The following PARVB variants were observed in gnomAD, a reference collection of about 807,000 sequenced individuals.
The protein encoded by PARVB is parvin beta.
PARVB carries 46 observed loss-of-function variants against 47.0 expected under a neutral mutation model. The ratio of observed to expected loss-of-function variants is 0.98; its 90% confidence interval spans 0.77 to 1.25. The LOEUF is 1.25. Among genes scored for constraint, PARVB ranks in the 50% most tolerant of loss-of-function variants. The pLI is 0.00. For synonymous variants in PARVB, 196 were observed against 196.3 expected (o/e 1.00, Z 0.01); for missense variants, 473 against 471.6 (o/e 1.00, Z -0.03).
chr22:44,163,898 G>A lies in PARVB; in HGVS notation c.986G>A (p.Gly329Glu), dbSNP rs1293188108. ...TTCGCCTTTGAGCTGATGCTGGACG[G>A]AGGCCTCAAGAAACCCAAGGCTCGT... ...VSFAFELMLD[G>E]GLKKPKARPE... The change falls in exon 12 of 13, where the codon GGA (glycine) becomes GAA (glutamate). Residue 329 changes from glycine to glutamate, a missense_variant. Physicochemically the swap from Gly to Glu is moderately conservative, Grantham distance 98. Transcript: ENST00000338758. 6.2e-7 allele frequency: 1 copy of A among 1,611,368 alleles called. No homozygotes were observed. Among genetic ancestry groups the A allele is most frequent in the African/African-American group, 1.3e-5 (1 of 75,024 alleles).
intron 2 of PARVB, among the ~76,000 whole-genome samples, chr22:44,001,582 T>C (rs941838684): frequency 6.6e-6 from 1 of 152,206 alleles, no homozygotes; most frequent in East Asian, 1.9e-4. Flanking sequence ...TTTCACGCTG[T>C]TGTAAAAGTC....
chr22:44,072,125 A>T (rs190740181), intron 1 of PARVB, among the ~76,000 whole-genome samples: 1 of 152,196 alleles, frequency 6.6e-6, no homozygotes, highest in Non-Finnish European at 1.5e-5. Context: ...TGTAATGTGA[A>T]TGTCATGTGG....
chr22:44,139,232 T>A (rs548037886), intron 7 of PARVB: 1 of 152,604 alleles, frequency 6.6e-6, no homozygotes, highest in South Asian at 2.1e-4. Context: ...TGAGACAGGG[T>A]CTTGCTCTGT....
chr22:44,138,386 T>C (rs1001433512), intron 7 of PARVB, among the ~76,000 whole-genome samples: 2 of 151,680 alleles, frequency 1.3e-5, no homozygotes, highest in African/African-American at 4.8e-5. Context: ...AGGAAGGGAG[T>C]TGGGATTTTC....
intron 1 of PARVB, among the ~76,000 whole-genome samples, chr22:44,074,690 G>T (rs1038043261): frequency 1.3e-5 from 2 of 152,210 alleles, no homozygotes; most frequent in Non-Finnish European, 2.9e-5. Flanking sequence ...GGGAACATTA[G>T]ACAATGTTCA....
At chr22:44,132,638 A>G (rs1025141389) in intron 5 of PARVB, among the ~76,000 whole-genome samples, 10 of 152,058 alleles carry the variant, frequency 6.6e-5, no homozygotes, top group Non-Finnish European at 1.2e-4. Context: ...TCACTGCCCA[A>G]TTTATTGCTT....
chr22:44,122,606 GA>G (rs2053095286), intron 4 of PARVB, among the ~76,000 whole-genome samples: 1 of 127,564 alleles, frequency 7.8e-6, no homozygotes, highest in Admixed American at 7.9e-5. Context: ...GAGAGAGAGA[GA>G]GAGGTCTCAC....
At chr22:44,045,355 G>T (rs149357443) in intron 1 of PARVB, among the ~76,000 whole-genome samples, 2 of 152,324 alleles carry the variant, frequency 1.3e-5, no homozygotes, top group Admixed American at 6.5e-5. Flanking sequence ...TTAAAATGTT[G>T]CTAAGAGAGA....
In PARVB at chr22:44,147,855, C is replaced by A. The variant is rs1280122577; in HGVS notation, c.713-6C>A. ...CTCCTTCGTGTCTCTCTTTGCATGT[C>A]CTCAGAGCGGGATGCCTTCGACACG... On this transcript the variant is annotated splice_polypyrimidine_tract_variant and splice_region_variant and intron_variant, in intron 8 of 12. Coordinates refer to ENST00000338758, the MANE Select transcript of PARVB (RefSeq NM_013327.5). The A allele has an allele frequency of 1.2e-6, 2 of 1,613,690 alleles. No individual in the cohort carries two copies. Among genetic ancestry groups the A allele is most frequent in the East Asian group, 4.5e-5 (2 of 44,894 alleles).
At chr22:44,026,325 G>C in intron 1 of PARVB, 1 of 985,570 alleles carries the variant, frequency 1.0e-6, no homozygotes, top group African/African-American at 1.7e-5. Flanking sequence ...CGGGCGTGGA[G>C]GCAGGAGGAG....
chr22:44,095,337 C>T (rs999122498), intron 2 of PARVB, among the ~76,000 whole-genome samples: 2 of 151,862 alleles, frequency 1.3e-5, no homozygotes, highest in African/African-American at 2.4e-5. Context: ...GGCGAAACCG[C>T]GTCTCTCCTA....
chr22:44,094,134 G>A (rs2052240009), intron 2 of PARVB, 117 bp downstream of exon 2: 3 of 560,820 alleles, frequency 5.3e-6, no homozygotes, highest in Non-Finnish European at 9.4e-6. Context: ...AGATGCTGGG[G>A]GCATTTGGGA....
intron 2 of PARVB, among the ~76,000 whole-genome samples, chr22:44,095,851 A>G (rs2147052335): frequency 6.6e-6 from 1 of 152,322 alleles, no homozygotes; most frequent in African/African-American, 2.4e-5. Flanking sequence ...TTCAGCCGCC[A>G]ACCGACCCGA....
intron 1 of PARVB, among the ~76,000 whole-genome samples, chr22:44,025,354 C>G (rs147206775): frequency 1.3e-5 from 2 of 152,234 alleles, no homozygotes; most frequent in African/African-American, 4.8e-5. Flanking sequence ...CCCCGGGATG[C>G]AGGTCCCCCA....
rs374391686 is a variant in PARVB at position 44,057,123 on chromosome 22, C to A, written c.112+32672C>A. 5.3e-5 allele frequency among the ~76,000 whole-genome samples: 8 copies of A among 151,646 alleles called. No homozygotes were observed. The East Asian group carries it at 9.8e-4, about 18-fold the overall frequency. On this transcript the variant is annotated intron_variant, in intron 1 of 12. Coordinates refer to ENST00000338758, the MANE Select transcript of PARVB (RefSeq NM_013327.5). The stretch of plus-strand genomic sequence containing the variant: ...TTTTGTCCTGCGTGTCTCAACCTGA[C>A]AAAAATGCTCAGTTTAGAAGCGTGT...
Position 44,119,159 on chromosome 22 carries a change from C to G in PARVB, c.376+19C>G. 1 of 1,541,716 alleles carries G rather than the reference C, an allele frequency of 6.5e-7. No individual in the cohort carries two copies. The highest frequency in any genetic ancestry group is 1.1e-5 in the South Asian group (1 of 89,686). On this transcript the variant is annotated intron_variant, in intron 4 of 12. Transcript: ENST00000338758. Reference sequence around the variant, plus strand: ...CTCTTGGGTGAGTTCACAGCAGGGACAGCTCTGTCCCACCCCCATCTCCCT... The same window carrying G: ...CTCTTGGGTGAGTTCACAGCAGGGAGAGCTCTGTCCCACCCCCATCTCCCT...
chr22:44,049,787 C>T lies in PARVB; in HGVS notation c.112+25336C>T, dbSNP rs149553724. Among the ~76,000 whole-genome samples the T allele has an allele frequency of 2.9e-4, 44 of 152,356 alleles. 2 individuals are homozygous for T. The highest frequency in any genetic ancestry group is 9.1e-4 in the African/African-American group (38 of 41,586). On this transcript the variant is annotated intron_variant, in intron 1 of 12. Coordinates refer to ENST00000338758, the MANE Select transcript of PARVB (RefSeq NM_013327.5). This position sits in a 1 kb window ranked among gnomAD's most constrained non-coding sequence, Gnocchi z 4.0. The stretch of plus-strand genomic sequence containing the variant: ...AAAGCAGGAGACCTCTGCCCGGGAA[C>T]GGGCCATTTGGGGGCTCAGCCATCT...
At chr22:44,130,751 C>A (rs73424454) in intron 4 of PARVB, among the ~76,000 whole-genome samples, 26 of 152,258 alleles carry the variant, frequency 1.7e-4, no homozygotes, top group African/African-American at 6.3e-4. Flanking sequence ...TTCATTCTTC[C>A]CAGGTAACCT....
chr22:44,004,975 G>A (rs1426310859), intron 2 of PARVB, among the ~76,000 whole-genome samples: 2 of 152,172 alleles, frequency 1.3e-5, no homozygotes, highest in Non-Finnish European at 2.9e-5. Flanking sequence ...GGACAGTGCT[G>A]TGTACTCAAC....
Sources: gnomAD v4.1 joint callset for allele counts (sites outside exome capture counted in the v4.1 genomes callset) on GRCh38, gnomAD v4.1.1 for gene constraint, Gnocchi (gnomAD v3.1) non-coding constraint, MANE v1.5 for transcripts, NCBI Gene and HGNC (gene_info 2026-07-23, HGNC 2026-07-21) for gene names.